The following PTPRS variants were observed in gnomAD, a reference collection of about 807,000 sequenced individuals.
PTPRS encodes protein tyrosine phosphatase receptor type S.
PTPRS carries 63 observed loss-of-function variants against 215.3 expected under a neutral mutation model. The observed-to-expected ratio is 0.29, with a 90% CI of 0.24 to 0.36. The LOEUF (loss-of-function observed/expected upper bound fraction) is 0.36. Ranked by LOEUF, PTPRS falls within the 10% of genes least tolerant of loss-of-function variation. PTPRS has a pLI of 1.00. For synonymous variants in PTPRS, 1,404 were observed against 1,191.4 expected (o/e 1.18, Z -3.68); for missense variants, 2,258 against 2,825.8 (o/e 0.80, Z 4.56).
rs780548328 is a variant in PTPRS, at chr19:5,286,209, G to A, written c.-69C>T. The A allele has an allele frequency of 2.4e-5, 38 of 1,557,152 alleles. No homozygotes were observed. The highest frequency in any genetic ancestry group is 3.0e-5 in the Non-Finnish European group (34 of 1,143,332). On this transcript the variant is annotated 5_prime_UTR_variant, in exon 2 of 38. Coordinates refer to ENST00000262963, the MANE Select transcript of PTPRS (RefSeq NM_002850.4). Reference sequence around the variant, plus strand: ...CCCCGGTCCCTCACAGAGAGGCCTCGAGCCGAGCGTCAGATGGGGCAACGT... The same window carrying A: ...CCCCGGTCCCTCACAGAGAGGCCTCAAGCCGAGCGTCAGATGGGGCAACGT...
chr19:5,312,041 C>CAA (rs577071088), intron 1 of PTPRS, among the ~76,000 whole-genome samples: 10 of 116,046 alleles, frequency 8.6e-5, no homozygotes, highest in Admixed American at 2.8e-4. Context: ...GACTCCGTCT[C>CAA]AAAAAAAAAA....
chr19:5,317,130 C>T (rs2049898397), intron 1 of PTPRS, among the ~76,000 whole-genome samples: 2 of 152,212 alleles, frequency 1.3e-5, no homozygotes, highest in African/African-American at 4.8e-5. Context: ...AAAACAATGC[C>T]TCATGCATAG....
At chr19:5,241,347 G>A (rs1268086442) in intron 11 of PTPRS, among the ~76,000 whole-genome samples, 2 of 151,886 alleles carry the variant, frequency 1.3e-5, no homozygotes, top group East Asian at 1.9e-4. Flanking sequence ...GTAGTGGCAC[G>A]ATCATAGCTC....
intron 1 of PTPRS, among the ~76,000 whole-genome samples, chr19:5,319,209 C>T (rs143604153): frequency 9.9e-4 from 150 of 152,150 alleles, no homozygotes; most frequent in Admixed American, 1.7e-3. Context: ...GTCAGGAGCT[C>T]GAGACCAGCC....
intron 5 of PTPRS, among the ~76,000 whole-genome samples, chr19:5,264,134 T>C (rs1299341502): frequency 1.0e-5 from 1 of 99,618 alleles, no homozygotes; most frequent in African/African-American, 3.1e-5. Flanking sequence ...TGCCCGTCTG[T>C]GCCCCCTTAC....
At chr19:5,300,247 A>T (rs1342802920) in intron 1 of PTPRS, among the ~76,000 whole-genome samples, 1 of 151,816 alleles carries the variant, frequency 6.6e-6, no homozygotes, top group South Asian at 2.1e-4. Flanking sequence ...TCTCAAAAAA[A>T]AAAAAAAGAA....
chr19:5,305,938 TCAAAAAAAAAA>T (rs2049476228), intron 1 of PTPRS, among the ~76,000 whole-genome samples: 1 of 3,494 alleles, frequency 2.9e-4, no homozygotes, highest in African/African-American at 7.6e-3. Context: ...AGACTCCGTC[TCAAAAAAAAAA>T]AAAAAAAAAA....
intron 2 of PTPRS, among the ~76,000 whole-genome samples, chr19:5,280,140 C>T (rs751679759): frequency 1.3e-5 from 2 of 152,194 alleles, no homozygotes; most frequent in African/African-American, 2.4e-5. Context: ...TGAGCCTCTA[C>T]GACCAGCTAG....
In PTPRS at chr19:5,280,286, A is replaced by G. The variant is rs1033981220; in HGVS notation, c.91+5764T>C. Among the ~76,000 whole-genome samples the G allele has an allele frequency of 8.6e-5, 13 of 152,032 alleles. 1 individual carries two copies. Among genetic ancestry groups the G allele is most frequent in the African/African-American group, 3.1e-4 (13 of 41,392 alleles). ...TAGGTCCCTGTGGGCCCCAACGCCT[A>G]CCCATCCATGGCTCAGGCTGGGCTT... On this transcript the variant is annotated intron_variant, in intron 2 of 37. Transcript: ENST00000262963.
Position 5,222,778 on chromosome 19 carries a change from G to T in PTPRS, c.3014C>A (p.Ala1005Asp). ...GTGGGCTCGCACTTGGAGGTCATAG[G>T]CCGTGTCGGGCTTCAGGCCCTGCAG... ...LTLQGLKPDTAYDLQVRAHTR... is the reference protein window; with the variant it reads ...LTLQGLKPDTDYDLQVRAHTR... Residue 1005 changes from alanine (A) to aspartate (D), a missense_variant, in exon 18 of 38, where the codon GCC becomes GAC. By Grantham distance (126) the Ala-to-Asp change is moderately radical (BLOSUM62 -2). Transcript: ENST00000262963. 1 of 1,598,822 alleles carries T rather than the reference G, an allele frequency of 6.3e-7. No homozygotes were observed. Among genetic ancestry groups the T allele is most frequent in the Non-Finnish European group, 8.5e-7 (1 of 1,178,650 alleles).
At position 5,286,173 on chromosome 19, in the gene PTPRS, G is replaced by T; in HGVS notation, c.-33C>A. 1 of 1,609,258 alleles carries T rather than the reference G, an allele frequency of 6.2e-7. No individual in the cohort carries two copies. The highest frequency in any genetic ancestry group is 8.5e-7 in the Non-Finnish European group (1 of 1,177,904). On this transcript the variant is annotated 5_prime_UTR_variant, in exon 2 of 38. Transcript: ENST00000262963. ...AGCGACCTCCGATCTCCGCCCTGGA[G>T]GGGGATGGCCCCCCGGTCCCTCACA...
At position 5,222,843 on chromosome 19, in the gene PTPRS, C is replaced by T. The variant is rs748315148; in HGVS notation, c.2949G>A (p.Leu983=). The T allele has an allele frequency of 2.5e-6, 4 of 1,593,754 alleles. No individual in the cohort carries two copies. In the East Asian group the frequency reaches 6.7e-5, roughly 27 times the overall value. ...GALGPARETE[L]PAAAEPGAEN... is the part of the protein sequence containing the mutation. ...CCGCGCCCGGCTCAGCCGCTGCCGG[C>T]AGCTCAGTCTCTCGGGCAGGGCCCA... The change falls in exon 18 of 38, where the codon CTG becomes CTA. Residue 983 remains leucine, a synonymous_variant. Transcript: ENST00000262963.
chr19:5,222,308 G>C (rs2042048046), intron 18 of PTPRS, 88 bp from the exon 19 acceptor site: 1 of 1,115,636 alleles, frequency 9.0e-7, no homozygotes, highest in African/African-American at 1.5e-5. Flanking sequence ...GGGTGGGGTG[G>C]GGCGGCCCAG....
chr19:5,255,841 C>A (rs544043665), intron 9 of PTPRS, among the ~76,000 whole-genome samples: 1 of 152,228 alleles, frequency 6.6e-6, no homozygotes, highest in Non-Finnish European at 1.5e-5. Flanking sequence ...CGCATGTGTG[C>A]GGCCGGCCCT....
chr19:5,299,766 G>C (rs2049246901), intron 1 of PTPRS, among the ~76,000 whole-genome samples: 2 of 151,984 alleles, frequency 1.3e-5, no homozygotes, highest in Admixed American at 1.3e-4. Flanking sequence ...CAGCTACTCG[G>C]GGCTGAGGCA....
chr19:5,237,609 G>A lies in PTPRS; in HGVS notation c.1849+1310C>T, dbSNP rs938430800. 2.0e-5 allele frequency among the ~76,000 whole-genome samples: 3 copies of A among 152,154 alleles called. No homozygotes were observed. The highest frequency in any genetic ancestry group is 7.2e-5 in the African/African-American group (3 of 41,438). ...GCCGAATTCGGGCCGTGGACTGTCCGTTCAGCCCAGAGTGGCTGGGGCAGG... is the reference window on the plus strand; with the variant it reads ...GCCGAATTCGGGCCGTGGACTGTCCATTCAGCCCAGAGTGGCTGGGGCAGG... On this transcript the variant is annotated intron_variant, in intron 13 of 37. Transcript: ENST00000262963. This position sits in a 1 kb window ranked among gnomAD's most constrained non-coding sequence, Gnocchi z 4.2.
At chr19:5,239,806 A>C (rs973102475) in intron 12 of PTPRS, among the ~76,000 whole-genome samples, 1 of 152,240 alleles carries the variant, frequency 6.6e-6, no homozygotes, top group East Asian at 1.9e-4. Flanking sequence ...ACAGAAAAAA[A>C]ACACACAGAA....
At chr19:5,340,018 TAA>T (rs2050637268) in intron 1 of PTPRS, among the ~76,000 whole-genome samples, 1 of 151,276 alleles carries the variant, frequency 6.6e-6, no homozygotes, top group Non-Finnish European at 1.5e-5. Flanking sequence ...CGACCTCCCA[TAA>T]GGCAACGACA....
rs117081609 is a variant in PTPRS, at chr19:5,210,985, G to A, written c.5235-180C>T. On this transcript the variant is annotated intron_variant, in intron 33 of 37. Transcript: ENST00000262963. This position sits in a 1 kb window ranked among gnomAD's most constrained non-coding sequence, Gnocchi z 4.5. ...TCCTGGTGATCCCATTTTGCATGTGGGGAAACCACCAGTCTCATGACAAAT... is the reference window on the plus strand; with the variant it reads ...TCCTGGTGATCCCATTTTGCATGTGAGGAAACCACCAGTCTCATGACAAAT... Among the ~76,000 whole-genome samples the A allele has an allele frequency of 2.0e-4, 31 of 152,336 alleles. No individual in the cohort carries two copies. The East Asian group carries it at 6.0e-3, about 29-fold the overall frequency.
Sources: allele counts gnomAD v4.1 joint callset (sites outside exome capture counted in the v4.1 genomes callset), GRCh38; gene constraint gnomAD v4.1.1; non-coding constraint Gnocchi (gnomAD v3.1); transcripts MANE v1.5; gene names NCBI Gene and HGNC (gene_info 2026-07-23, HGNC 2026-07-21).